GALNT13: variants seen among roughly 807,000 people sequenced by gnomAD.
The protein encoded by GALNT13 is UDP-GalNAc:polypeptide N-acetylgalactosaminyltransferase 13.
GALNT13 carries 28 observed loss-of-function variants against 64.2 expected under a neutral mutation model. The ratio of observed to expected loss-of-function variants is 0.44; its 90% confidence interval spans 0.32 to 0.60. The LOEUF (loss-of-function observed/expected upper bound fraction) is 0.60, where lower values mean the gene tolerates loss of function less well. GALNT13 is among the 20% of genes least tolerant of loss of function. The pLI is 0.05. For missense variants in GALNT13, 577 were observed against 669.8 expected (o/e 0.86, Z 1.53); for synonymous variants, 214 against 224.6 (o/e 0.95, Z 0.42).
chr2:153,460,686 GT>G, the GALNT13 span, among the ~76,000 whole-genome samples: 1 of 152,046 alleles, frequency 6.6e-6, no homozygotes, highest in Non-Finnish European at 1.5e-5. Context: ...TACACGCTGG[GT>G]TGATAGTAAA....
chr2:154,140,711 G>A (rs918920345), intron 4 of GALNT13, among the ~76,000 whole-genome samples: 1 of 152,084 alleles, frequency 6.6e-6, no homozygotes, highest in Non-Finnish European at 1.5e-5. Context: ...TACTTGCAAA[G>A]ATGCTGCAAA....
At position 154,273,822 on chromosome 2, in the gene GALNT13, G is replaced by A. The variant is rs188007559; in HGVS notation, c.975+14684G>A. 3.0e-4 allele frequency among the ~76,000 whole-genome samples: 46 copies of A among 152,130 alleles called. 1 individual carries two copies. Among genetic ancestry groups the A allele is most frequent in the East Asian group, 1.9e-4 (1 of 5,176 alleles). On this transcript the variant is annotated intron_variant, in intron 8 of 12. Coordinates refer to ENST00000392825, the MANE Select transcript of GALNT13 (RefSeq NM_052917.4). ...AGTCTTTCAGTGTTGCATGTACACC[G>A]AGTACAGTTACAAAAGATGTACAAG... is the stretch of plus-strand genomic sequence containing the variant.
the GALNT13 span, among the ~76,000 whole-genome samples, chr2:153,293,789 G>GTC: frequency 1.4e-5 from 2 of 143,652 alleles, no homozygotes; most frequent in African/African-American, 5.2e-5. Context: ...GTGTGTGTGT[G>GTC]TGTCTGTGTG....
chr2:154,396,804 T>G (rs1699075575), intron 10 of GALNT13, among the ~76,000 whole-genome samples: 1 of 151,946 alleles, frequency 6.6e-6, no homozygotes, highest in Admixed American at 6.6e-5. Flanking sequence ...GTATTGACGT[T>G]GTAGACACTC....
At chr2:153,081,209 A>G in the GALNT13 span, among the ~76,000 whole-genome samples, 1 of 151,254 alleles carries the variant, frequency 6.6e-6, no homozygotes, top group Non-Finnish European at 1.5e-5. Flanking sequence ...CTTTTCTATT[A>G]TTTACTTTTT....
At chr2:154,224,186 G>A (rs1419146675) in intron 4 of GALNT13, among the ~76,000 whole-genome samples, 1 of 152,074 alleles carries the variant, frequency 6.6e-6, no homozygotes, top group Non-Finnish European at 1.5e-5. Context: ...TCATAGGACA[G>A]AAAATTTCTT....
chr2:153,617,385 A>G, the GALNT13 span, among the ~76,000 whole-genome samples: 3 of 152,098 alleles, frequency 2.0e-5, no homozygotes, highest in East Asian at 5.8e-4. Context: ...CATACATTGA[A>G]CCATCCTCGC....
chr2:153,879,716 A>T (rs1012798963), intron 1 of GALNT13, among the ~76,000 whole-genome samples: 1 of 152,108 alleles, frequency 6.6e-6, no homozygotes, highest in African/African-American at 2.4e-5. Context: ...TTGAAAACAG[A>T]ACACAGATTT....
intron 3 of GALNT13, among the ~76,000 whole-genome samples, chr2:154,060,206 C>T (rs1354794377): frequency 3.3e-5 from 5 of 152,026 alleles, no homozygotes; most frequent in South Asian, 4.1e-4. Context: ...TCCAGAACTT[C>T]GGAAAATAAA....
the GALNT13 span, among the ~76,000 whole-genome samples, chr2:153,413,501 TC>T: frequency 1.1e-4 from 16 of 152,336 alleles, no homozygotes; most frequent in African/African-American, 3.6e-4. Flanking sequence ...TATCCATATT[TC>T]CTATTTAGCA....
chr2:153,380,256 A>G, the GALNT13 span, among the ~76,000 whole-genome samples: 1 of 152,126 alleles, frequency 6.6e-6, no homozygotes, highest in African/African-American at 2.4e-5. Flanking sequence ...CACTCTAAGA[A>G]CTATTTACAT....
the GALNT13 span, among the ~76,000 whole-genome samples, chr2:153,668,260 A>G: frequency 1.3e-5 from 2 of 152,166 alleles, no homozygotes; most frequent in Middle Eastern, 6.3e-3. Flanking sequence ...AAGGGGACCT[A>G]ACAGACTCCT....
the GALNT13 span, among the ~76,000 whole-genome samples, chr2:153,339,852 GA>G: frequency 1.3e-5 from 2 of 152,118 alleles, no homozygotes; most frequent in Non-Finnish European, 2.9e-5. Context: ...AGTTATTGAA[GA>G]GACTATTCTT....
chr2:153,394,248 C>A, the GALNT13 span, among the ~76,000 whole-genome samples: 1 of 152,122 alleles, frequency 6.6e-6, no homozygotes, highest in East Asian at 1.9e-4. Context: ...TTTTTGTAAA[C>A]CTCTATGATG....
At chr2:154,180,085 T>C (rs1010244438) in intron 4 of GALNT13, among the ~76,000 whole-genome samples, 1 of 152,158 alleles carries the variant, frequency 6.6e-6, no homozygotes, top group African/African-American at 2.4e-5. Flanking sequence ...TATGAAGGTG[T>C]CATCAAGTTG....
At chr2:153,416,694 A>G in the GALNT13 span, among the ~76,000 whole-genome samples, 4 of 152,082 alleles carry the variant, frequency 2.6e-5, no homozygotes, top group East Asian at 7.7e-4. Context: ...AATTCTGCTG[A>G]TTGTATTAGT....
the GALNT13 span, among the ~76,000 whole-genome samples, chr2:153,410,366 G>A: frequency 1.3e-5 from 2 of 152,154 alleles, no homozygotes; most frequent in Non-Finnish European, 1.5e-5. Context: ...AAAATGCTGA[G>A]ATTACAGGCA....
chr2:153,795,598 T>C, the GALNT13 span, among the ~76,000 whole-genome samples: 1 of 152,166 alleles, frequency 6.6e-6, no homozygotes, highest in East Asian at 1.9e-4. Context: ...AATCAAACTT[T>C]GGAAGTTTAC....
the GALNT13 span, among the ~76,000 whole-genome samples, chr2:153,363,723 T>C: frequency 6.6e-6 from 1 of 152,158 alleles, no homozygotes; most frequent in East Asian, 1.9e-4. Flanking sequence ...TGACAAGTTC[T>C]GAAATTGAGG....
Sources: allele counts gnomAD v4.1 joint callset (sites outside exome capture counted in the v4.1 genomes callset), GRCh38; gene constraint gnomAD v4.1.1; transcripts MANE v1.5; gene names NCBI Gene and HGNC (gene_info 2026-07-23, HGNC 2026-07-21).